CMTR1: variants seen among roughly 807,000 people sequenced by gnomAD.
CMTR1 encodes cap methyltransferase 1, also known as cap-specific mRNA (nucleoside-2'-O-)-methyltransferase 1.
A neutral mutation model predicts 107.0 loss-of-function variants in CMTR1; 39 were observed. The observed-to-expected ratio is 0.36, with a 90% CI of 0.28 to 0.48. CMTR1 has a LOEUF of 0.48. Ranked by LOEUF, CMTR1 falls within the 20% of genes least tolerant of loss-of-function variation. CMTR1 has a pLI of 0.99. For missense variants in CMTR1, 672 were observed against 1,064.9 expected (o/e 0.63, Z 5.14); for synonymous variants, 366 against 379.5 (o/e 0.96, Z 0.41).
chr6:37,438,540 A>T (rs1465547670), intron 2 of CMTR1, among the ~76,000 whole-genome samples: 1 of 152,244 alleles, frequency 6.6e-6, no homozygotes, highest in Non-Finnish European at 1.5e-5. Context: ...AGGAAGGGGC[A>T]GCTCTGCATT....
chr6:37,463,864 G>A (rs1761450898), intron 13 of CMTR1, among the ~76,000 whole-genome samples: 1 of 152,188 alleles, frequency 6.6e-6, no homozygotes, highest in South Asian at 2.1e-4. Flanking sequence ...CCAAGGTGGA[G>A]CAGACAGTAA....
intron 13 of CMTR1, among the ~76,000 whole-genome samples, chr6:37,469,097 T>C (rs1761570581): frequency 6.6e-6 from 1 of 151,802 alleles, no homozygotes; most frequent in Non-Finnish European, 1.5e-5. Context: ...ATCGTGCCAC[T>C]GCACTCCAGC....
intron 8 of CMTR1, among the ~76,000 whole-genome samples, chr6:37,455,943 T>A (rs1761283774): frequency 6.6e-6 from 1 of 152,236 alleles, no homozygotes; most frequent in Non-Finnish European, 1.5e-5. Context: ...GTGCTTGTCC[T>A]TAACTGCACA....
chr6:37,437,301 C>T lies in CMTR1; in HGVS notation c.133+1539C>T, dbSNP rs374895996. On this transcript the variant is annotated intron_variant, in intron 2 of 23. Coordinates refer to ENST00000373451, the MANE Select transcript of CMTR1 (RefSeq NM_015050.3). ...CGGCACTTTGGGAGGCTAAGGTGGG[C>T]GGATCACGAGGTCAGGAGATCGAGA... Among the ~76,000 whole-genome samples the T allele has an allele frequency of 4.6e-4, 69 of 150,338 alleles. 2 individuals carry two copies. The South Asian group carries it at 0.012, about 27-fold the overall frequency.
In CMTR1 at chr6:37,472,147, G is replaced by A. The variant is rs537471585; in HGVS notation, c.1620+243G>A. Among the ~76,000 whole-genome samples the A allele has an allele frequency of 3.3e-5, 5 of 152,266 alleles. No individual in the cohort carries two copies. The highest frequency in any genetic ancestry group is 1.9e-4 in the East Asian group (1 of 5,180). The stretch of plus-strand genomic sequence containing the variant: ...GGGGTGGGGTGTGGGGAGGTGGGCC[G>A]GTGTCAGTTTTGCAACTGGTGGCCC... On this transcript the variant is annotated intron_variant, in intron 15 of 23. Coordinates refer to ENST00000373451, the MANE Select transcript of CMTR1 (RefSeq NM_015050.3). This position sits in a 1 kb window ranked among gnomAD's most constrained non-coding sequence, Gnocchi z 4.1.
Position 37,475,951 on chromosome 6 carries a change from C to T in CMTR1, c.2037-175C>T, listed in dbSNP as rs1761727290. On this transcript the variant is annotated intron_variant, in intron 19 of 23. Coordinates refer to ENST00000373451, the MANE Select transcript of CMTR1 (RefSeq NM_015050.3). ...CACAGGGGCGGGGCATGAATAAAGA[C>T]GTCGGTGGAGAAGGGCAGGGCGGGC... is the stretch of plus-strand genomic sequence containing the variant. 5 of 620,268 alleles carry T rather than the reference C, an allele frequency of 8.1e-6. No homozygotes were observed. In the East Asian group the frequency reaches 8.3e-5, roughly 10 times the overall value. 38.4% of individuals were successfully genotyped at this position (620,268 alleles called of 1,614,324 possible). A position where few individuals can be genotyped will look rare whatever the true frequency, so the allele number is the denominator to read the frequency against.
intron 14 of CMTR1, 82 bp downstream of exon 14, chr6:37,471,159 C>A: frequency 7.9e-7 from 1 of 1,273,480 alleles, no homozygotes; most frequent in Non-Finnish European, 1.1e-6. Context: ...TTGTTTTTTT[C>A]ATTTCAACAA....
chr6:37,449,188 C>T (rs1412614178), intron 4 of CMTR1, among the ~76,000 whole-genome samples: 1 of 152,110 alleles, frequency 6.6e-6, no homozygotes, highest in Middle Eastern at 3.2e-3. Context: ...TCAAGCAGTC[C>T]TTCTACCTTG....
rs144308247 is a variant in CMTR1 at position 37,459,832 on chromosome 6, A to G, written c.1095+148A>G. ...TAGAGAATGCATTTTTATTCTTTTT[A>G]TACATTTTTTAAATGATAATTGTGT... On this transcript the variant is annotated intron_variant, in intron 10 of 23. Transcript: ENST00000373451. 980 of 689,336 alleles carry G rather than the reference A, an allele frequency of 1.4e-3. 6 individuals are homozygous for G. The highest frequency in any genetic ancestry group is 0.013 in the African/African-American group (729 of 56,010). 42.7% of individuals were successfully genotyped at this position (689,336 alleles called of 1,614,324 possible). A position where few individuals can be genotyped will look rare whatever the true frequency, so the allele number is the denominator to read the frequency against.
intron 18 of CMTR1, 71 bp from the exon 19 acceptor site, chr6:37,475,250 G>A (rs1761712463): frequency 6.6e-6 from 8 of 1,207,392 alleles, no homozygotes; most frequent in Non-Finnish European, 9.8e-6. Context: ...GAGCCAGCAT[G>A]CCATGGTGGG....
At position 37,459,613 on chromosome 6, in the gene CMTR1, A is replaced by T. The variant is rs368591877; in HGVS notation, c.1024A>T (p.Ile342Phe). Residue 342 changes from isoleucine to phenylalanine, a missense_variant, in exon 10 of 24, where the codon ATC becomes TTC. By Grantham distance (21) the Ile-to-Phe change is conservative. Coordinates refer to ENST00000373451, the MANE Select transcript of CMTR1 (RefSeq NM_015050.3). ...TGGAGATATCACCCGCCCAGAGAAC[A>T]TCTCTGCTTTTCGGAATTTTGTCCT... ...GDGDITRPEN[I>F]SAFRNFVLDN... 14 of 1,614,192 alleles carry T rather than the reference A, an allele frequency of 8.7e-6. No individual in the cohort carries two copies. The highest frequency in any genetic ancestry group is 1.2e-5 in the Non-Finnish European group (14 of 1,180,030).
intron 4 of CMTR1, among the ~76,000 whole-genome samples, chr6:37,449,653 G>A (rs928904406): frequency 2.0e-5 from 3 of 152,172 alleles, no homozygotes; most frequent in East Asian, 1.9e-4. Flanking sequence ...CTAATGCACC[G>A]TTTTGGCCTG....
At chr6:37,450,154 C>CAG in intron 4 of CMTR1, 97 bp from the exon 5 acceptor site, 1 of 1,031,694 alleles carries the variant, frequency 9.7e-7, no homozygotes, top group Non-Finnish European at 1.5e-6. Flanking sequence ...CGGTCTGTCT[C>CAG]AGTCCCTTTT....
Position 37,471,827 on chromosome 6 carries a change from A to C in CMTR1, c.1563-20A>C. ...GTGCCTCTTAGAGATTTTAATCACT[A>C]ACTGGCTTCATATTCCCAGGACACT... On this transcript the variant is annotated intron_variant, in intron 14 of 23. Coordinates refer to ENST00000373451, the MANE Select transcript of CMTR1 (RefSeq NM_015050.3). The C allele has an allele frequency of 2.5e-6, 4 of 1,613,452 alleles. No individual in the cohort carries two copies. The highest frequency in any genetic ancestry group is 3.4e-6 in the Non-Finnish European group (4 of 1,179,590).
chr6:37,476,139 G>T lies in CMTR1; in HGVS notation c.2050G>T (p.Glu684Ter). Residue 684 changes from glutamate (E) to a stop codon, truncating the protein, a stop_gained, in exon 20 of 24, where the codon GAG (glutamate) becomes TAG (stop). Transcript: ENST00000373451. LOFTEE classifies it high-confidence loss of function. ...QHFNQRIQLA[E>*]KFVKAVSKPS... ...TTTGGATTGTAGAATTCAGCTTGCC[G>T]AGAAATTTGTGAAAGCCGTTTCCAA... is the stretch of plus-strand genomic sequence containing the variant. 6.2e-7 allele frequency: 1 copy of T among 1,614,090 alleles called. No homozygotes were observed. The highest frequency in any genetic ancestry group is 8.5e-7 in the Non-Finnish European group (1 of 1,179,996).
At chr6:37,442,338 T>C (rs1286008922) in intron 2 of CMTR1, among the ~76,000 whole-genome samples, 2 of 152,250 alleles carry the variant, frequency 1.3e-5, no homozygotes, top group Non-Finnish European at 2.9e-5. Context: ...ATTCTCATCC[T>C]TAAACTTCTG....
intron 1 of CMTR1, among the ~76,000 whole-genome samples, chr6:37,434,889 G>T (rs548038315): frequency 5.4e-4 from 82 of 152,314 alleles, no homozygotes; most frequent in Non-Finnish European, 1.0e-3. Flanking sequence ...TGGGATTACA[G>T]GCGTGAGCCA....
chr6:37,480,346 G>A lies in CMTR1; in HGVS notation c.*201G>A. On this transcript the variant is annotated 3_prime_UTR_variant, in exon 24 of 24. Coordinates refer to ENST00000373451, the MANE Select transcript of CMTR1 (RefSeq NM_015050.3). ...CAGAGAACACTCATGTTCCTTCTGG[G>A]ACACCTGCCTGGGAACTTTCCCCTG... is the stretch of plus-strand genomic sequence containing the variant. 1 of 1,366,404 alleles carries A rather than the reference G, an allele frequency of 7.3e-7. No homozygotes were observed. The highest frequency in any genetic ancestry group is 9.3e-7 in the Non-Finnish European group (1 of 1,070,670). The allele number at this position is 1,366,404 out of a possible 1,614,324, so 84.6% of individuals were successfully genotyped here. A position where few individuals can be genotyped will look rare whatever the true frequency, so the allele number is the denominator to read the frequency against.
chr6:37,447,681 C>T (rs569836678), intron 4 of CMTR1, among the ~76,000 whole-genome samples: 1 of 149,274 alleles, frequency 6.7e-6, no homozygotes, highest in African/African-American at 2.5e-5. Context: ...ACCAACATGA[C>T]GAAACCCCAT....
Sources: gnomAD v4.1 joint callset for allele counts (sites outside exome capture counted in the v4.1 genomes callset) on GRCh38, gnomAD v4.1.1 for gene constraint, Gnocchi (gnomAD v3.1) non-coding constraint, MANE v1.5 for transcripts, NCBI Gene and HGNC (gene_info 2026-07-23, HGNC 2026-07-21) for gene names.